The following GLIS3 variants were observed in gnomAD, a reference collection of about 807,000 sequenced individuals.
The protein encoded by GLIS3 is zinc finger protein GLIS3.
GLIS3 carries 53 observed loss-of-function variants against 78.6 expected under a neutral mutation model. The ratio of observed to expected loss-of-function variants is 0.67; its 90% CI spans 0.54 to 0.85. The LOEUF (loss-of-function observed/expected upper bound fraction) is 0.85, where lower values mean the gene tolerates loss of function less well. GLIS3 is among the 40% of genes least tolerant of loss of function. The pLI, the probability that GLIS3 is intolerant of heterozygous loss-of-function variation, is 0.00. For missense variants in GLIS3, 1,703 were observed against 1,231.1 expected (o/e 1.38, Z -5.74); for synonymous variants, 684 against 509.9 (o/e 1.34, Z -4.60).
chr9:3,976,490 TA>T (rs1818799247), intron 4 of GLIS3, among the ~76,000 whole-genome samples: 1 of 124,198 alleles, frequency 8.1e-6, no homozygotes, highest in Non-Finnish European at 1.6e-5. Context: ...TCCCATTGCC[TA>T]TTTTTTTTTT....
intron 2 of GLIS3, among the ~76,000 whole-genome samples, chr9:4,281,361 AC>A (rs1827534280): frequency 6.8e-6 from 1 of 147,978 alleles, no homozygotes; most frequent in Non-Finnish European, 1.5e-5. Flanking sequence ...TTATTGTGCA[AC>A]CATCACCATT....
At chr9:4,045,505 T>A (rs1825174335) in intron 4 of GLIS3, among the ~76,000 whole-genome samples, 1 of 150,422 alleles carries the variant, frequency 6.6e-6, no homozygotes, top group African/African-American at 2.4e-5. Context: ...CTGGCTAATT[T>A]TTTTTTTTTT....
intron 2 of GLIS3, among the ~76,000 whole-genome samples, chr9:4,184,391 T>C (rs1227439120): frequency 2.0e-5 from 3 of 152,172 alleles, no homozygotes; most frequent in South Asian, 2.1e-4. Flanking sequence ...AATATAACAA[T>C]ATAATCTTAC....
chr9:4,412,128 A>G, the GLIS3 span, among the ~76,000 whole-genome samples: 2 of 152,202 alleles, frequency 1.3e-5, no homozygotes, highest in African/African-American at 2.4e-5. Flanking sequence ...CCACCCAAAT[A>G]GCCCAACAGC....
At chr9:3,893,082 C>G (rs1016891851) in intron 7 of GLIS3, among the ~76,000 whole-genome samples, 7 of 151,980 alleles carry the variant, frequency 4.6e-5, no homozygotes, top group African/African-American at 1.7e-4. Context: ...TTTCCTGATC[C>G]TCTCCCTCCT....
chr9:4,394,542 G>A, the GLIS3 span, among the ~76,000 whole-genome samples: 4 of 152,100 alleles, frequency 2.6e-5, no homozygotes, highest in Admixed American at 1.3e-4. Context: ...GTGATGCTGT[G>A]TATTGTTGAG....
the GLIS3 span, among the ~76,000 whole-genome samples, chr9:4,385,886 A>C: frequency 1.3e-5 from 2 of 152,142 alleles, no homozygotes; most frequent in Non-Finnish European, 2.9e-5. Flanking sequence ...ACCCTGAGCC[A>C]ATCCCGAAAG....
At chr9:4,383,616 G>A in the GLIS3 span, among the ~76,000 whole-genome samples, 1 of 152,158 alleles carries the variant, frequency 6.6e-6, no homozygotes, top group African/African-American at 2.4e-5. Context: ...TCTGGATGCA[G>A]AAAAAAATCT....
chr9:4,340,241 A>G (rs1487043638), intron 2 of GLIS3, among the ~76,000 whole-genome samples: 1 of 151,936 alleles, frequency 6.6e-6, no homozygotes, highest in African/African-American at 2.4e-5. Flanking sequence ...ATCTCTGAAT[A>G]ATCCAAAACG....
the GLIS3 span, among the ~76,000 whole-genome samples, chr9:4,394,777 C>T: frequency 1.3e-5 from 2 of 152,086 alleles, no homozygotes; most frequent in South Asian, 4.1e-4. Flanking sequence ...TTCTCTTCAC[C>T]ACTAATGAGA....
chr9:4,139,028 AATCT>A (rs1190869378), intron 2 of GLIS3, among the ~76,000 whole-genome samples: 3 of 152,202 alleles, frequency 2.0e-5, no homozygotes, highest in Non-Finnish European at 4.4e-5. Flanking sequence ...ATGTTGCCAT[AATCT>A]CAGGGTGAGA....
At chr9:3,981,403 T>G (rs188560579) in intron 4 of GLIS3, among the ~76,000 whole-genome samples, 1 of 152,282 alleles carries the variant, frequency 6.6e-6, no homozygotes. Context: ...AATTTAGACC[T>G]TGGGAGAACT....
the GLIS3 span, among the ~76,000 whole-genome samples, chr9:4,437,402 C>CTGTATGTATGTATGTATGTA: frequency 5.5e-4 from 68 of 124,332 alleles, no homozygotes; most frequent in South Asian, 0.01. Context: ...AGGTATTTGA[C>CTGTATGTATGTATGTATGTA]TGTATGTATG....
chr9:4,432,155 T>C, the GLIS3 span, among the ~76,000 whole-genome samples: 38 of 152,358 alleles, frequency 2.5e-4, no homozygotes, highest in Non-Finnish European at 4.1e-4. Flanking sequence ...TATCCCCATA[T>C]AATTTCATGA....
chr9:4,271,577 T>A (rs990317875), intron 2 of GLIS3, among the ~76,000 whole-genome samples: 3 of 152,158 alleles, frequency 2.0e-5, no homozygotes, highest in African/African-American at 7.2e-5. Flanking sequence ...GCAAGTGGCA[T>A]ATTCTTACAG....
the GLIS3 span, among the ~76,000 whole-genome samples, chr9:4,485,475 A>G: frequency 5.3e-5 from 8 of 152,162 alleles, no homozygotes; most frequent in Admixed American, 5.2e-4. Flanking sequence ...TCATCCAACC[A>G]GCAGCATCTG....
intron 2 of GLIS3, among the ~76,000 whole-genome samples, chr9:4,234,136 T>C (rs1442700996): frequency 6.6e-6 from 1 of 152,180 alleles, no homozygotes; most frequent in Non-Finnish European, 1.5e-5. Context: ...GCAATGAGGA[T>C]ATTTTGCTTC....
intron 3 of GLIS3, among the ~76,000 whole-genome samples, chr9:4,309,827 C>T (rs1353818324): frequency 1.3e-5 from 2 of 151,862 alleles, no homozygotes; most frequent in African/African-American, 2.4e-5. Context: ...GGGATAACTC[C>T]GAAAGAGACA....
chr9:4,466,410 T>C, the GLIS3 span, among the ~76,000 whole-genome samples: 1 of 151,952 alleles, frequency 6.6e-6, no homozygotes, highest in Admixed American at 6.6e-5. Flanking sequence ...TTTCAGAAAA[T>C]AGAGAAGGAA....
Sources: gnomAD v4.1 joint callset for allele counts (sites outside exome capture counted in the v4.1 genomes callset) on GRCh38, gnomAD v4.1.1 for gene constraint, MANE v1.5 for transcripts, NCBI Gene and HGNC (gene_info 2026-07-23, HGNC 2026-07-21) for gene names.